LACTB: variants seen among roughly 807,000 people sequenced by gnomAD.
LACTB encodes the protein serine beta-lactamase-like protein LACTB, mitochondrial.
A neutral mutation model predicts 50.2 loss-of-function variants in LACTB; 35 were observed. The ratio of observed to expected loss-of-function variants is 0.70; its 90% CI spans 0.53 to 0.92. The LOEUF is 0.92. LACTB is among the 40% of genes least tolerant of loss of function. LACTB has a pLI of 0.00. For missense variants in LACTB, 664 were observed against 691.8 expected, an observed-to-expected ratio of 0.96 and a Z score of 0.45; for synonymous variants, 252 against 268.2, an observed-to-expected ratio of 0.94 and a Z score of 0.59.
intron 5 of LACTB, among the ~76,000 whole-genome samples, chr15:63,138,849 G>C (rs1307009558): frequency 6.6e-6 from 1 of 151,886 alleles, no homozygotes; most frequent in Admixed American, 6.6e-5. Context: ...TGACCAGCCT[G>C]GCCAACATAG....
At position 63,141,760 on chromosome 15, in the gene LACTB, C is replaced by T. The variant is rs531182298; in HGVS notation, c.1599C>T (p.Thr533=). 1.5e-4 allele frequency: 239 copies of T among 1,613,862 alleles called. No homozygotes were observed. The highest frequency in any genetic ancestry group is 4.5e-4 in the Admixed American group (27 of 60,014). The change falls in exon 6 of 6, where the codon ACC becomes ACT. Residue 533 remains threonine (T), a synonymous_variant. Coordinates refer to ENST00000261893, the MANE Select transcript of LACTB (RefSeq NM_032857.5). ...TGCAATCTGTTGGCCTCAATAGCAC[C>T]GCTTTGAAGATTGCCCTTGAATTTG... The part of the protein sequence containing the change: ...CNMQSVGLNS[T]ALKIALEFDK...
intron 2 of LACTB, among the ~76,000 whole-genome samples, chr15:63,124,554 C>T (rs2037023590): frequency 6.6e-6 from 1 of 152,000 alleles, no homozygotes; most frequent in Non-Finnish European, 1.5e-5. Flanking sequence ...GATTTCTATT[C>T]ATTTTATGAT....
At position 63,122,622 on chromosome 15, in the gene LACTB, C is replaced by G; in HGVS notation, c.358-14C>G. The G allele has an allele frequency of 6.2e-7, 1 of 1,608,308 alleles. No homozygotes were observed. On this transcript the variant is annotated splice_polypyrimidine_tract_variant and intron_variant, in intron 1 of 5. Transcript: ENST00000261893. Reference sequence around the variant, plus strand: ...CAGGCCCGTAACTGTCGGTTCTTTCCCCTTCGGTCTTAGGATGAGGTGGGC... The same window carrying G: ...CAGGCCCGTAACTGTCGGTTCTTTCGCCTTCGGTCTTAGGATGAGGTGGGC...
Position 63,129,469 on chromosome 15 carries a change from G to A in LACTB, c.953-16G>A, listed in dbSNP as rs752089297. The stretch of plus-strand genomic sequence containing the variant: ...CAAGTATTTTATTTTTTTCCTCCTC[G>A]CAATGATGTCTCAAGGTAGTCAGTT... On this transcript the variant is annotated splice_polypyrimidine_tract_variant and intron_variant, in intron 4 of 5. Coordinates refer to ENST00000261893, the MANE Select transcript of LACTB (RefSeq NM_032857.5). 1.4e-5 allele frequency: 21 copies of A among 1,520,390 alleles called. No individual in the cohort carries two copies. Among genetic ancestry groups the A allele is most frequent in the Middle Eastern group, 1.7e-4 (1 of 5,728 alleles). The allele number at this position is 1,520,390 out of a possible 1,614,324, so 94.2% of individuals were successfully genotyped here.
intron 5 of LACTB, among the ~76,000 whole-genome samples, chr15:63,140,371 A>G (rs2037217182): frequency 6.6e-6 from 1 of 152,206 alleles, no homozygotes; most frequent in African/African-American, 2.4e-5. Flanking sequence ...TTGTATAATG[A>G]AGGTTTTAAT....
chr15:63,129,690 C>A, intron 5 of LACTB, 40 bp downstream of exon 5: 1 of 1,417,340 alleles, frequency 7.1e-7, no homozygotes, highest in Non-Finnish European at 9.3e-7. Flanking sequence ...TATATCGCAT[C>A]TTAACACTAT....
chr15:63,125,672 T>C (rs1406414075), intron 2 of LACTB, among the ~76,000 whole-genome samples: 1 of 151,722 alleles, frequency 6.6e-6, no homozygotes, highest in East Asian at 1.9e-4. Context: ...TGTTCTCTTT[T>C]TATTTATTTA....
intron 2 of LACTB, among the ~76,000 whole-genome samples, chr15:63,123,693 CA>C (rs942676368): frequency 2.6e-4 from 40 of 152,356 alleles, no homozygotes; most frequent in African/African-American, 8.7e-4. Flanking sequence ...GTCCACTGGA[CA>C]GGGGGCCCTT....
chr15:63,136,964 GTAC>G (rs1439508052), intron 5 of LACTB, among the ~76,000 whole-genome samples: 2 of 152,046 alleles, frequency 1.3e-5, no homozygotes, highest in East Asian at 3.9e-4. Flanking sequence ...GTTTAAAATA[GTAC>G]CATACGGTGT....
Position 63,127,376 on chromosome 15 carries a change from G to A in LACTB, c.639G>A (p.Leu213=). Residue 213 remains leucine (L), a synonymous_variant, in exon 4 of 6, where the codon CTG becomes CTA. Coordinates refer to ENST00000261893, the MANE Select transcript of LACTB (RefSeq NM_032857.5). Reference sequence around the variant, plus strand: ...AGGTTTCTGTCACAACAAGATTACTGATTTCCCATTTAAGTGGAATTCGTC... The same window carrying A: ...AGGTTTCTGTCACAACAAGATTACTAATTTCCCATTTAAGTGGAATTCGTC... ...GEKVSVTTRL[L]ISHLSGIRHY... 1 of 1,572,582 alleles carries A rather than the reference G, an allele frequency of 6.4e-7. No homozygotes were observed. Among genetic ancestry groups the A allele is most frequent in the Non-Finnish European group, 8.6e-7 (1 of 1,164,758 alleles).
At chr15:63,126,396 C>A (rs1180659885) in intron 2 of LACTB, among the ~76,000 whole-genome samples, 1 of 152,214 alleles carries the variant, frequency 6.6e-6, no homozygotes, top group Middle Eastern at 3.2e-3. Context: ...CTCACCTTGG[C>A]CACCCAAAGT....
chr15:63,141,752 A>C lies in LACTB; in HGVS notation c.1591A>C (p.Asn531His). ...IICNMQSVGLNSTALKIALEF... is the reference protein window; with the variant it reads ...IICNMQSVGLHSTALKIALEF... Reference sequence around the variant, plus strand: ...ATGTAACATGCAATCTGTTGGCCTCAATAGCACCGCTTTGAAGATTGCCCT... The same window carrying C: ...ATGTAACATGCAATCTGTTGGCCTCCATAGCACCGCTTTGAAGATTGCCCT... The change falls in exon 6 of 6, where the codon AAT becomes CAT. Residue 531 changes from asparagine (N) to histidine (H), a missense_variant. Physicochemically the swap from Asn to His is moderately conservative, Grantham distance 68. Transcript: ENST00000261893. The C allele has an allele frequency of 6.2e-7, 1 of 1,614,170 alleles. No individual in the cohort carries two copies. Among genetic ancestry groups the C allele is most frequent in the Non-Finnish European group, 8.5e-7 (1 of 1,180,014 alleles).
In LACTB at chr15:63,126,883, A is replaced by ACCGT; in HGVS notation, c.450_453dup (p.Val152ProfsTer5). On this transcript the variant is annotated frameshift_variant, in exon 3 of 6. Transcript: ENST00000261893. LOFTEE classifies it high-confidence loss of function. ...GGTTTAGGTTATGCTGATGTTGAGA[A>ACCGT]CCGTGTACCATGTAAACCAGAGACA... 1 of 1,607,782 alleles carries ACCGT rather than the reference A, an allele frequency of 6.2e-7. No individual in the cohort carries two copies. Among genetic ancestry groups the ACCGT allele is most frequent in the Non-Finnish European group, 8.5e-7 (1 of 1,176,118 alleles).
chr15:63,129,699 A>G (rs2037104374), intron 5 of LACTB, 49 bp downstream of exon 5: 5 of 1,381,128 alleles, frequency 3.6e-6, no homozygotes, highest in East Asian at 2.6e-5. Flanking sequence ...TCTTAACACT[A>G]TTTTATTAAT....
intron 2 of LACTB, among the ~76,000 whole-genome samples, chr15:63,123,796 T>C (rs894142780): frequency 3.3e-5 from 5 of 152,214 alleles, no homozygotes; most frequent in African/African-American, 1.2e-4. Context: ...TTTTAGTACT[T>C]TCACTAATTG....
Position 63,122,468 on chromosome 15 carries a change from C to CA in LACTB, c.358-167dup. ...CTTCCCCCTAGGGGGCGGACAGGCA[C>CA]ATCCCTTGCTGTTAGTGAGTGACCA... On this transcript the variant is annotated intron_variant, in intron 1 of 5. Coordinates refer to ENST00000261893, the MANE Select transcript of LACTB (RefSeq NM_032857.5). 3 of 727,022 alleles carry CA rather than the reference C, an allele frequency of 4.1e-6. No individual in the cohort carries two copies. In the South Asian group the frequency reaches 4.7e-5, roughly 12 times the overall value. The allele number at this position is 727,022 out of a possible 1,614,324, so 45.0% of individuals were successfully genotyped here.
rs1302936074 is a variant in LACTB, at chr15:63,122,208, G to T, written c.337G>T (p.Asp113Tyr). Residue 113 changes from aspartate (D) to tyrosine (Y), a missense_variant, in exon 1 of 6, where the codon GAC becomes TAC. Coordinates refer to ENST00000261893, the MANE Select transcript of LACTB (RefSeq NM_032857.5). ...CGCCAGAGCCATCGAGAGCAGCCGC[G>T]ACCTGCTGCACAGGATCAAGGTGCG... The part of the protein sequence containing the change: ...CFARAIESSR[D>Y]LLHRIKDEVG... 3.2e-6 allele frequency: 5 copies of T among 1,553,064 alleles called. No homozygotes were observed. Among genetic ancestry groups the T allele is most frequent in the East Asian group, 2.4e-5 (1 of 41,560 alleles).
chr15:63,140,695 G>C (rs536729572), intron 5 of LACTB, among the ~76,000 whole-genome samples: 17 of 152,156 alleles, frequency 1.1e-4, no homozygotes, highest in Admixed American at 5.2e-4. Flanking sequence ...TGCCCAGGCT[G>C]GACTCAAACT....
In LACTB at chr15:63,122,006, G is replaced by T; in HGVS notation, c.135G>T (p.Gly45=). The change falls in exon 1 of 6, where the codon GGG becomes GGT. Residue 45 remains glycine, a synonymous_variant. Transcript: ENST00000261893. ...PLGHGWVGGL[G]LGLGLALGVK... Reference sequence around the variant, plus strand: ...GCCACGGCTGGGTCGGGGGCCTCGGGCTGGGGCTGGGGCTGGCGCTCGGGG... The same window carrying T: ...GCCACGGCTGGGTCGGGGGCCTCGGTCTGGGGCTGGGGCTGGCGCTCGGGG... The T allele has an allele frequency of 7.3e-7, 1 of 1,376,042 alleles. No individual in the cohort carries two copies. Among genetic ancestry groups the T allele is most frequent in the Non-Finnish European group, 9.3e-7 (1 of 1,073,710 alleles). The allele number at this position is 1,376,042 out of a possible 1,614,324, so 85.2% of individuals were successfully genotyped here. A position where few individuals can be genotyped will look rare whatever the true frequency, so the allele number is the denominator to read the frequency against.
Sources: gnomAD v4.1 joint callset for allele counts (sites outside exome capture counted in the v4.1 genomes callset) on GRCh38, gnomAD v4.1.1 for gene constraint, MANE v1.5 for transcripts, NCBI Gene and HGNC (gene_info 2026-07-23, HGNC 2026-07-21) for gene names.